Variants in TRPA1 observed in about 807,000 individuals in gnomAD.
The protein encoded by TRPA1 is ankyrin-like with transmembrane domains 1.
TRPA1 carries 129 observed loss-of-function variants against 131.3 expected under a neutral mutation model. The ratio of observed to expected loss-of-function variants is 0.98; its 90% CI spans 0.85 to 1.14. TRPA1 has a LOEUF of 1.14. TRPA1 is among the 50% of genes most tolerant of loss of function. The pLI, the probability that TRPA1 is intolerant of heterozygous loss-of-function variation, is 0.00. For missense variants in TRPA1, 1,304 were observed against 1,354.2 expected (o/e 0.96, Z 0.58); for synonymous variants, 441 against 451.7 (o/e 0.98, Z 0.30).
upstream of TRPA1, among the ~76,000 whole-genome samples, chr8:72,078,789 G>A (rs892762815): frequency 2.6e-5 from 4 of 152,008 alleles, no homozygotes; most frequent in African/African-American, 7.2e-5. Context: ...TGGATTTGCT[G>A]AGTAATGTGA....
chr8:72,047,186 A>G lies in TRPA1; in HGVS notation c.1927T>C (p.Leu643=). ...CMKVLLDFCM[L]HSTEDKSCRD... ...CAGGACTTGTCTTCTGTGGAATGCA[A>G]CATGCAGAAATCTAAAAGTACCTTT... is the stretch of plus-strand genomic sequence containing the variant. The change falls in exon 16 of 27, where the codon TTG becomes CTG. Residue 643 remains leucine, a synonymous_variant. Transcript: ENST00000262209. The G allele has an allele frequency of 6.2e-7, 1 of 1,611,522 alleles. No individual in the cohort carries two copies.
chr8:72,043,288 A>T (rs529512428), intron 17 of TRPA1, among the ~76,000 whole-genome samples: 2 of 151,856 alleles, frequency 1.3e-5, no homozygotes, highest in Non-Finnish European at 2.9e-5. Context: ...TTATAGAAAA[A>T]GGGATAATTA....
chr8:72,047,403 C>A (rs1262008804), intron 15 of TRPA1, among the ~76,000 whole-genome samples, 196 bp from the exon 16 acceptor site: 1 of 151,996 alleles, frequency 6.6e-6, no homozygotes. Flanking sequence ...CCTCTGCATG[C>A]CTCAGAAATA....
intron 7 of TRPA1, among the ~76,000 whole-genome samples, chr8:72,060,119 G>A (rs974836419): frequency 3.3e-5 from 5 of 151,624 alleles, no homozygotes; most frequent in African/African-American, 1.2e-4. Flanking sequence ...ATTGACAAGA[G>A]GTTGCATTAT....
chr8:72,039,261 A>G (rs530243477), intron 18 of TRPA1, among the ~76,000 whole-genome samples: 31 of 152,192 alleles, frequency 2.0e-4, no homozygotes, highest in African/African-American at 7.0e-4. Flanking sequence ...GTTAGCCCAT[A>G]TAATCTGTCG....
upstream of TRPA1, among the ~76,000 whole-genome samples, chr8:72,079,970 A>T (rs143424714): frequency 7.8e-4 from 118 of 152,090 alleles, no homozygotes; most frequent in Non-Finnish European, 1.2e-3. Context: ...TTTGCTGTTT[A>T]CAGAAATACA....
intron 17 of TRPA1, among the ~76,000 whole-genome samples, chr8:72,043,913 G>T (rs1415216710): frequency 6.6e-6 from 1 of 151,632 alleles, no homozygotes. Flanking sequence ...AGCATTCTGG[G>T]TTAGTAGGTC....
intron 17 of TRPA1, 149 bp from the exon 18 acceptor site, chr8:72,039,946 C>G (rs1044603155): frequency 2.5e-5 from 16 of 633,526 alleles, no homozygotes; most frequent in East Asian, 2.8e-5. Context: ...AAAATTAGAT[C>G]AAGGTTTTAA....
chr8:72,026,428 AT>A (rs776002881), intron 24 of TRPA1, among the ~76,000 whole-genome samples: 10 of 152,270 alleles, frequency 6.6e-5, no homozygotes, highest in Non-Finnish European at 1.3e-4. Context: ...AGGGTAGTTC[AT>A]ACTCTTGCGG....
At chr8:72,088,946 T>C in the TRPA1 span, among the ~76,000 whole-genome samples, 1 of 152,210 alleles carries the variant, frequency 6.6e-6, no homozygotes, top group African/African-American at 2.4e-5. Flanking sequence ...GATAAGATTA[T>C]TTAAAATGTG....
At chr8:72,038,665 A>C in intron 19 of TRPA1, 200 bp downstream of exon 19, 1 of 543,776 alleles carries the variant, frequency 1.8e-6, no homozygotes, top group South Asian at 2.5e-5. Context: ...ATTAGTTTAC[A>C]AACTCATTAG....
chr8:72,025,887 T>G, intron 25 of TRPA1, 73 bp downstream of exon 25: 3 of 1,323,318 alleles, frequency 2.3e-6, no homozygotes, highest in East Asian at 2.3e-5. Flanking sequence ...AAGGGCCCCC[T>G]TAGGGTTAAC....
chr8:72,034,944 C>T (rs898880496), intron 21 of TRPA1, among the ~76,000 whole-genome samples: 2 of 152,136 alleles, frequency 1.3e-5, no homozygotes, highest in Admixed American at 1.3e-4. Flanking sequence ...GAAAATGCTG[C>T]CAAATGCTTA....
chr8:72,039,673 T>C, intron 18 of TRPA1, 54 bp downstream of exon 18: 3 of 1,128,258 alleles, frequency 2.7e-6, no homozygotes, highest in Non-Finnish European at 4.1e-6. Context: ...TTGAAGGCTT[T>C]GTAATAGATC....
intron 24 of TRPA1, 100 bp from the exon 25 acceptor site, chr8:72,026,173 T>C: frequency 1.1e-6 from 1 of 935,070 alleles, no homozygotes; most frequent in East Asian, 2.6e-5. Flanking sequence ...TGAAAACTGA[T>C]TTCTATGTCC....
chr8:72,038,628 C>T, intron 19 of TRPA1: 1 of 443,954 alleles, frequency 2.3e-6, no homozygotes, highest in Non-Finnish European at 4.0e-6. Context: ...TTTAAGCTAG[C>T]ATCTAACACA....
At chr8:72,047,247 C>G (rs753003899) in intron 15 of TRPA1, 40 bp from the exon 16 acceptor site, 19 of 1,404,398 alleles carry the variant, frequency 1.4e-5, no homozygotes, top group Admixed American at 1.7e-5. Context: ...TGGGGCAGTA[C>G]ACTACATATT....
intron 8 of TRPA1, 152 bp downstream of exon 8, chr8:72,059,238 C>T (rs71525150): frequency 0.053 from 31,939 of 606,092 alleles, 1,022 homozygotes; most frequent in Middle Eastern, 0.095. Context: ...ATATACTCTG[C>T]TTCCAAGTAT....
At chr8:72,038,620 TAAGCTAGCATCTA>T (rs2129433905) in intron 19 of TRPA1, 1 of 414,284 alleles carries the variant, frequency 2.4e-6, no homozygotes, top group Non-Finnish European at 4.3e-6. Context: ...CTTCAGTATT[TAAGCTAGCATCTA>T]ACACATGTCA....
Sources: gnomAD v4.1 joint callset for allele counts (sites outside exome capture counted in the v4.1 genomes callset) on GRCh38, gnomAD v4.1.1 for gene constraint, MANE v1.5 for transcripts, NCBI Gene and HGNC (gene_info 2026-07-23, HGNC 2026-07-21) for gene names.